PTPRD: variants seen among roughly 807,000 people sequenced by gnomAD.
The protein encoded by PTPRD is protein tyrosine phosphatase receptor type D, also known as receptor-type tyrosine-protein phosphatase delta.
In PTPRD, 34 loss-of-function variants were observed where a neutral mutation model predicts 214.5. That is an observed-to-expected ratio of 0.16 (90% CI 0.12 to 0.21). The LOEUF is 0.21. Among genes scored for constraint, PTPRD ranks in the 10% least tolerant of loss-of-function variants. The probability of loss-of-function intolerance (pLI) is 1.00; values close to 1 mark genes in which losing one functional copy is unlikely to be tolerated. For synonymous variants in PTPRD, 1,128 were observed against 845.7 expected, an observed-to-expected ratio of 1.33 and a Z score of -5.79; for missense variants, 2,545 against 2,398.7, an observed-to-expected ratio of 1.06 and a Z score of -1.27.
At chr9:8,505,742 T>A (rs1314816356) in intron 22 of PTPRD, among the ~76,000 whole-genome samples, 1 of 151,868 alleles carries the variant, frequency 6.6e-6, no homozygotes, top group Non-Finnish European at 1.5e-5. Flanking sequence ...GAATTTTAGA[T>A]CCACCAAGTA....
At chr9:8,876,336 C>T (rs1316349353) in intron 11 of PTPRD, among the ~76,000 whole-genome samples, 1 of 151,950 alleles carries the variant, frequency 6.6e-6, no homozygotes, top group Admixed American at 6.6e-5. Context: ...AGTCATCAAA[C>T]CAAATAAGCT....
chr9:9,624,018 G>T (rs185729170), intron 7 of PTPRD, among the ~76,000 whole-genome samples: 1 of 152,112 alleles, frequency 6.6e-6, no homozygotes, highest in Non-Finnish European at 1.5e-5. Flanking sequence ...GGGAATATGA[G>T]CTCATAAAAA....
intron 10 of PTPRD, among the ~76,000 whole-genome samples, chr9:9,021,424 T>A (rs1340231309): frequency 6.6e-6 from 1 of 152,182 alleles, no homozygotes; most frequent in African/African-American, 2.4e-5. Context: ...GTAATGGCAT[T>A]AGTACTTGAT....
chr9:9,348,142 C>A (rs1007401786), intron 9 of PTPRD, among the ~76,000 whole-genome samples: 10 of 152,076 alleles, frequency 6.6e-5, no homozygotes, highest in Admixed American at 3.3e-4. Context: ...AGAAAAATAG[C>A]ATATTTGAAT....
Position 10,565,522 on chromosome 9 carries a change from A to C in PTPRD, c.-600+46876T>G, listed in dbSNP as rs189755619. ...TTTCAGAAAAACAGCCCAACAAATAATTTAGGAGATTGTGTTTATAGTAAG... is the reference window on the plus strand; with the variant it reads ...TTTCAGAAAAACAGCCCAACAAATACTTTAGGAGATTGTGTTTATAGTAAG... On this transcript the variant is annotated intron_variant, in intron 2 of 45. Coordinates refer to ENST00000381196, the MANE Select transcript of PTPRD (RefSeq NM_002839.4). Among the ~76,000 whole-genome samples, 3 of 152,196 alleles carry C rather than the reference A, an allele frequency of 2.0e-5. No homozygotes were observed. The East Asian group carries it at 5.8e-4, about 29-fold the overall frequency.
At chr9:9,472,883 T>A (rs2026984) in intron 8 of PTPRD, among the ~76,000 whole-genome samples, 1 of 151,940 alleles carries the variant, frequency 6.6e-6, no homozygotes, top group Non-Finnish European at 1.5e-5. Flanking sequence ...AGGGATGCAG[T>A]GATATATTAT....
At chr9:8,930,072 T>G (rs1317912540) in intron 11 of PTPRD, among the ~76,000 whole-genome samples, 1 of 151,802 alleles carries the variant, frequency 6.6e-6, no homozygotes, top group African/African-American at 2.4e-5. Flanking sequence ...TAACTCGTCA[T>G]TTACATTAGG....
At chr9:10,611,905 G>GCCC (rs71332762) in intron 2 of PTPRD, among the ~76,000 whole-genome samples, 11 of 128,082 alleles carry the variant, frequency 8.6e-5, no homozygotes, top group East Asian at 2.4e-4. Context: ...TCCCTTTTCC[G>GCCC]CCCCCCCCCC....
At chr9:9,769,512 G>C (rs2098734789) in intron 5 of PTPRD, among the ~76,000 whole-genome samples, 1 of 151,702 alleles carries the variant, frequency 6.6e-6, no homozygotes, top group African/African-American at 2.4e-5. Flanking sequence ...TTTTTTAGTA[G>C]AGACGAGGTT....
intron 2 of PTPRD, among the ~76,000 whole-genome samples, chr9:10,469,327 T>C (rs1310249371): frequency 6.6e-6 from 1 of 152,096 alleles, no homozygotes; most frequent in African/African-American, 2.4e-5. Flanking sequence ...GTCTAAACTA[T>C]CAGGTGTATG....
At chr9:9,993,686 G>A (rs771966592) in intron 4 of PTPRD, among the ~76,000 whole-genome samples, 5 of 152,170 alleles carry the variant, frequency 3.3e-5, no homozygotes, top group Non-Finnish European at 5.9e-5. Context: ...AATATAACAA[G>A]AGTGATATTT....
chr9:10,315,049 A>G (rs993088958), intron 3 of PTPRD, among the ~76,000 whole-genome samples: 4 of 152,010 alleles, frequency 2.6e-5, no homozygotes, highest in African/African-American at 9.6e-5. Flanking sequence ...ACAAACATAT[A>G]TAGAGAAAAG....
chr9:10,253,562 G>A (rs535835279), intron 3 of PTPRD, among the ~76,000 whole-genome samples: 3 of 152,156 alleles, frequency 2.0e-5, no homozygotes, highest in African/African-American at 7.2e-5. Context: ...CTGAATTCAA[G>A]ATGCTAATTA....
intron 3 of PTPRD, among the ~76,000 whole-genome samples, chr9:10,264,672 G>A (rs1054599998): frequency 4.6e-5 from 7 of 152,092 alleles, no homozygotes; most frequent in Non-Finnish European, 1.0e-4. Flanking sequence ...ACTTTGGACT[G>A]TTGAGTTAAT....
chr9:8,728,751 A>G (rs10977264), intron 12 of PTPRD, among the ~76,000 whole-genome samples: 15,037 of 152,158 alleles, frequency 0.099, 2,310 homozygotes, highest in African/African-American at 0.33. Flanking sequence ...AGGCTGAGGC[A>G]AGTGGATGAT....
intron 5 of PTPRD, among the ~76,000 whole-genome samples, chr9:9,840,540 G>A (rs1254907465): frequency 1.3e-5 from 2 of 151,758 alleles, no homozygotes; most frequent in South Asian, 2.1e-4. Flanking sequence ...GGAGTAAGGA[G>A]CCAAAAGTAA....
intron 7 of PTPRD, among the ~76,000 whole-genome samples, chr9:9,586,353 A>G (rs2091954115): frequency 6.6e-6 from 1 of 152,016 alleles, no homozygotes. Context: ...TTACTAATAC[A>G]AACAAATCTA....
intron 2 of PTPRD, among the ~76,000 whole-genome samples, chr9:10,575,426 G>A (rs976055333): frequency 3.3e-5 from 5 of 152,076 alleles, no homozygotes; most frequent in Non-Finnish European, 7.4e-5. Context: ...GCCACAAATA[G>A]ATTTTTTTAG....
intron 4 of PTPRD, among the ~76,000 whole-genome samples, chr9:10,025,201 G>T (rs1020224759): frequency 6.6e-6 from 1 of 152,048 alleles, no homozygotes; most frequent in Non-Finnish European, 1.5e-5. Context: ...CTGAGGAATC[G>T]CCACACTGAC....
Sources: allele counts gnomAD v4.1 joint callset (sites outside exome capture counted in the v4.1 genomes callset), GRCh38; gene constraint gnomAD v4.1.1; transcripts MANE v1.5; gene names NCBI Gene and HGNC (gene_info 2026-07-23, HGNC 2026-07-21).